TNFRSF11B: variants seen among roughly 807,000 people sequenced by gnomAD.
TNFRSF11B encodes TNF receptor superfamily member 11b.
In TNFRSF11B, 16 loss-of-function variants were observed where a neutral mutation model predicts 43.4. The ratio of observed to expected loss-of-function variants is 0.37; its 90% confidence interval spans 0.25 to 0.56. TNFRSF11B has a LOEUF of 0.56. Among genes scored for constraint, TNFRSF11B ranks in the 20% least tolerant of loss-of-function variants. TNFRSF11B has a pLI of 0.80. For missense variants in TNFRSF11B, 444 were observed against 490.1 expected (o/e 0.91, Z 0.89); for synonymous variants, 185 against 181.8 (o/e 1.02, Z -0.14).
intron 1 of TNFRSF11B, among the ~76,000 whole-genome samples, chr8:118,941,993 C>T (rs1039915851): frequency 2.0e-5 from 3 of 152,138 alleles, no homozygotes; most frequent in Admixed American, 2.0e-4. Flanking sequence ...ACCGCTACCT[C>T]AGGGTCTTCC....
chr8:118,931,464 C>T (rs1241434160), intron 2 of TNFRSF11B, among the ~76,000 whole-genome samples: 1 of 152,162 alleles, frequency 6.6e-6, no homozygotes, highest in Admixed American at 6.5e-5. Context: ...AGCTGCATAG[C>T]CCACTTTTCA....
chr8:118,928,210 C>T (rs1226828491), intron 3 of TNFRSF11B, among the ~76,000 whole-genome samples: 1 of 152,046 alleles, frequency 6.6e-6, no homozygotes, highest in Non-Finnish European at 1.5e-5. Context: ...TTAGTAGAGA[C>T]AAGGTTTCAC....
At position 118,933,139 on chromosome 8, in the gene TNFRSF11B, A is replaced by G; in HGVS notation, c.192T>C (p.Pro64=). The G allele has an allele frequency of 6.2e-7, 1 of 1,614,198 alleles. No homozygotes were observed. The highest frequency in any genetic ancestry group is 8.5e-7 in the Non-Finnish European group (1 of 1,180,038). Residue 64 remains proline (P), a synonymous_variant, in exon 2 of 5, where the codon CCT becomes CCC. Coordinates refer to ENST00000297350, the MANE Select transcript of TNFRSF11B (RefSeq NM_002546.4). ...CTAKWKTVCA[P]CPDHYYTDSW... is the part of the protein sequence containing the mutation. ...TGTCTGTGTAGTAGTGGTCAGGGCA[A>G]GGGGCGCACACGGTCTTCCACTTTG... is the stretch of plus-strand genomic sequence containing the variant.
chr8:118,929,102 C>T, intron 2 of TNFRSF11B, 173 bp from the exon 3 acceptor site: 1 of 640,118 alleles, frequency 1.6e-6, no homozygotes, highest in Non-Finnish European at 2.7e-6. Flanking sequence ...AAACTTCCAC[C>T]ATCATCCCCT....
chr8:118,926,345 T>A, intron 4 of TNFRSF11B, 149 bp downstream of exon 4: 1 of 727,472 alleles, frequency 1.4e-6, no homozygotes, highest in Non-Finnish European at 2.3e-6. Context: ...ATCTACATTA[T>A]CAGTTGGTGG....
chr8:118,946,128 T>C (rs1812557647), intron 1 of TNFRSF11B, among the ~76,000 whole-genome samples: 1 of 152,140 alleles, frequency 6.6e-6, no homozygotes, highest in Non-Finnish European at 1.5e-5. Context: ...TCCTCTTGCA[T>C]CCTCTATCCA....
At chr8:118,937,884 C>T (rs1161255835) in intron 1 of TNFRSF11B, among the ~76,000 whole-genome samples, 1 of 152,064 alleles carries the variant, frequency 6.6e-6, no homozygotes, top group Non-Finnish European at 1.5e-5. Flanking sequence ...AACACTGTCT[C>T]TAAGAAGGGG....
At chr8:118,930,989 C>G (rs1321393031) in intron 2 of TNFRSF11B, among the ~76,000 whole-genome samples, 1 of 152,116 alleles carries the variant, frequency 6.6e-6, no homozygotes, top group African/African-American at 2.4e-5. Context: ...TACCTTATTA[C>G]TATCAGTGGA....
At chr8:118,951,692 A>C in intron 1 of TNFRSF11B, 100 bp downstream of exon 1, 1 of 1,164,840 alleles carries the variant, frequency 8.6e-7, no homozygotes, top group Non-Finnish European at 1.3e-6. Context: ...GGAGGGAGCG[A>C]GTGGAGCCTT....
intron 1 of TNFRSF11B, among the ~76,000 whole-genome samples, chr8:118,941,316 TTTGGC>T (rs1812481965): frequency 6.6e-6 from 1 of 152,188 alleles, no homozygotes; most frequent in South Asian, 2.1e-4. Context: ...TAGCCAGTTG[TTTGGC>T]CTAGGATTAT....
At position 118,926,704 on chromosome 8, in the gene TNFRSF11B, C is replaced by T; in HGVS notation, c.607G>A (p.Glu203Lys). 6.2e-7 allele frequency: 1 copy of T among 1,613,792 alleles called. No homozygotes were observed. The highest frequency in any genetic ancestry group is 1.1e-5 in the South Asian group (1 of 91,044). The change falls in exon 4 of 5, where the codon GAG (glutamate) becomes AAG (lysine). Residue 203 changes from glutamate (E) to lysine (K), a missense_variant. Glu to Lys is a moderately conservative substitution (Grantham distance 56). Coordinates refer to ENST00000297350, the MANE Select transcript of TNFRSF11B (RefSeq NM_002546.4). ...QKCGIDVTLC[E>K]EAFFRFAVPT... The stretch of plus-strand genomic sequence containing the variant: ...ACAGCAAACCTGAAGAATGCCTCCT[C>T]ACACAGGGTAACATCTAAAGAAAGG...
chr8:118,939,633 G>A (rs1300656681), intron 1 of TNFRSF11B, among the ~76,000 whole-genome samples: 4 of 152,180 alleles, frequency 2.6e-5, no homozygotes, highest in Non-Finnish European at 4.4e-5. Flanking sequence ...ACAGCAGGAA[G>A]AGCCAATAAC....
chr8:118,942,995 A>G (rs928331521), intron 1 of TNFRSF11B, among the ~76,000 whole-genome samples: 1 of 152,004 alleles, frequency 6.6e-6, no homozygotes, highest in Non-Finnish European at 1.5e-5. Flanking sequence ...CCATCCACCT[A>G]TCTACTCATA....
chr8:118,924,106 T>C lies in TNFRSF11B; in HGVS notation c.*268A>G. ...ATGGAGTCTAGTTTTTTTTTTTTAA[T>C]TTCCAGTTGAATTACTGCAAGCAGT... On this transcript the variant is annotated 3_prime_UTR_variant, in exon 5 of 5. Transcript: ENST00000297350. 1 of 319,498 alleles carries C rather than the reference T, an allele frequency of 3.1e-6. No homozygotes were observed. The highest frequency in any genetic ancestry group is 5.2e-5 in the South Asian group (1 of 19,354). The allele number at this position is 319,498 out of a possible 1,614,324, so 19.8% of individuals were successfully genotyped here. A position where few individuals can be genotyped will look rare whatever the true frequency, so the allele number is the denominator to read the frequency against.
rs10955913 is a variant in TNFRSF11B at position 118,944,774 on chromosome 8, G to A, written c.30+7018C>T. Among the ~76,000 whole-genome samples the A allele has an allele frequency of 8.2e-3, 1,241 of 152,160 alleles. 70 individuals carry two copies. The highest frequency in any genetic ancestry group is 0.074 in the Admixed American group (1,129 of 15,250). On this transcript the variant is annotated intron_variant, in intron 1 of 4. Transcript: ENST00000297350. ...TGCTTATTCTGCCTGAAGGTTTGAC[G>A]TGTATTCCAAATAATGGTGTGCAGT... is the stretch of plus-strand genomic sequence containing the variant.
At position 118,928,887 on chromosome 8, in the gene TNFRSF11B, C is replaced by T. The variant is rs754787940; in HGVS notation, c.443G>A (p.Gly148Glu). The T allele has an allele frequency of 6.2e-7, 1 of 1,614,184 alleles. No homozygotes were observed. Among genetic ancestry groups the T allele is most frequent in the Admixed American group, 1.7e-5 (1 of 60,018 alleles). The change falls in exon 3 of 5, where the codon GGG (glycine) becomes GAG (glutamate). Residue 148 changes from glycine to glutamate, a missense_variant. Transcript: ENST00000297350. ...AGATGACGTCTCATTTGAGAAGAAC[C>T]CATCTGGACATCTTTTGCAAACTGT... ...RNTVCKRCPD[G>E]FFSNETSSKA...
At position 118,951,853 on chromosome 8, in the gene TNFRSF11B, G is replaced by A; in HGVS notation, c.-32C>T. The A allele has an allele frequency of 6.4e-7, 1 of 1,573,004 alleles. No individual in the cohort carries two copies. Among genetic ancestry groups the A allele is most frequent in the South Asian group, 1.2e-5 (1 of 85,586 alleles). ...CCCCGGAAACCTCAGGGGCTTGGAGGCGGCGGCTGGGCGAGCGCTCCGGTG... is the reference window on the plus strand; with the variant it reads ...CCCCGGAAACCTCAGGGGCTTGGAGACGGCGGCTGGGCGAGCGCTCCGGTG... On this transcript the variant is annotated 5_prime_UTR_variant, in exon 1 of 5. Transcript: ENST00000297350.
intron 1 of TNFRSF11B, among the ~76,000 whole-genome samples, chr8:118,940,441 A>G (rs1382888459): frequency 6.6e-6 from 1 of 152,242 alleles, no homozygotes; most frequent in Non-Finnish European, 1.5e-5. Context: ...TAGAATATGC[A>G]TACCACAATT....
intron 1 of TNFRSF11B, among the ~76,000 whole-genome samples, chr8:118,946,533 T>A (rs1812563329): frequency 6.6e-6 from 1 of 152,204 alleles, no homozygotes; most frequent in South Asian, 2.1e-4. Flanking sequence ...AGTTTACGGA[T>A]GTTCCTAGGA....
Sources: gnomAD v4.1 joint callset for allele counts (sites outside exome capture counted in the v4.1 genomes callset) on GRCh38, gnomAD v4.1.1 for gene constraint, MANE v1.5 for transcripts, NCBI Gene and HGNC (gene_info 2026-07-23, HGNC 2026-07-21) for gene names.